Variants in MAP3K9 observed in about 807,000 individuals in gnomAD.
MAP3K9 encodes the protein mitogen-activated protein kinase kinase kinase 9.
MAP3K9 carries 46 observed loss-of-function variants against 95.8 expected under a neutral mutation model. The ratio of observed to expected loss-of-function variants is 0.48; its 90% confidence interval spans 0.38 to 0.61. MAP3K9 has a LOEUF of 0.61. MAP3K9 is among the 20% of genes least tolerant of loss of function. The pLI, the probability that MAP3K9 is intolerant of heterozygous loss-of-function variation, is 0.00. For synonymous variants in MAP3K9, 533 were observed against 593.8 expected, an observed-to-expected ratio of 0.90 and a Z score of 1.49; for missense variants, 1,296 against 1,474.3, an observed-to-expected ratio of 0.88 and a Z score of 1.98.
chr14:70,755,854 G>A (rs1422494475), intron 3 of MAP3K9, among the ~76,000 whole-genome samples: 1 of 152,194 alleles, frequency 6.6e-6, no homozygotes, highest in Non-Finnish European at 1.5e-5. Context: ...TTAAGTCCTG[G>A]GAACAAGTCT....
At position 70,800,885 on chromosome 14, in the gene MAP3K9, G is replaced by C. The variant is rs1817600785; in HGVS notation, c.602C>G (p.Pro201Arg). The part of the protein sequence containing the change: ...EAKLFAMLKH[P>R]NIIALRGVCL... The stretch of plus-strand genomic sequence containing the variant: ...TACCCCTCTTAGGGCAATGATGTTG[G>C]GGTGCTTCAGCATGGCGAAGAGCTT... Residue 201 changes from proline (P) to arginine (R), a missense_variant, in exon 2 of 12, where the codon CCC becomes CGC. By Grantham distance (103) the Pro-to-Arg change is moderately radical. This residue lies in a region of MAP3K9 where 338 missense variants were observed against 363.4 expected (regional missense o/e 0.93). Transcript: ENST00000554752. The C allele has an allele frequency of 1.2e-6, 2 of 1,614,042 alleles. No homozygotes were observed. Among genetic ancestry groups the C allele is most frequent in the Non-Finnish European group, 1.7e-6 (2 of 1,180,032 alleles).
At chr14:70,775,581 G>A (rs1157490481) in intron 2 of MAP3K9, among the ~76,000 whole-genome samples, 7 of 152,110 alleles carry the variant, frequency 4.6e-5, no homozygotes, top group African/African-American at 1.7e-4. Context: ...ATCCGGAATG[G>A]ACCAATGCCC....
In MAP3K9 at chr14:70,758,073, C is replaced by T. The variant is rs183678232; in HGVS notation, c.1001+2929G>A. 8.4e-3 allele frequency among the ~76,000 whole-genome samples: 1,280 copies of T among 152,176 alleles called. 24 individuals are homozygous for T. Among genetic ancestry groups the T allele is most frequent in the African/African-American group, 0.029 (1,209 of 41,506 alleles). On this transcript the variant is annotated intron_variant, in intron 3 of 11. Transcript: ENST00000554752. The stretch of plus-strand genomic sequence containing the variant: ...CTAGACATCATCAAAATTAAAAACA[C>T]TGTTTCAAAGAACAGCCTTAAGAAA...
intron 2 of MAP3K9, among the ~76,000 whole-genome samples, chr14:70,774,302 G>A (rs2054566994): frequency 6.6e-6 from 1 of 152,202 alleles, no homozygotes. Context: ...GGAGACCTTT[G>A]TTATTTATTA....
At chr14:70,777,757 C>T (rs116038235) in intron 2 of MAP3K9, among the ~76,000 whole-genome samples, 1,801 of 152,260 alleles carry the variant, frequency 0.012, 47 homozygotes, top group African/African-American at 0.041. Flanking sequence ...AATGCAGTGT[C>T]CACCTAGTTC....
rs764569241 is a variant in MAP3K9 at position 70,800,966 on chromosome 14, C to A, written c.521G>T (p.Arg174Leu). 3 of 1,614,032 alleles carry A rather than the reference C, an allele frequency of 1.9e-6. No individual in the cohort carries two copies. The highest frequency in any genetic ancestry group is 1.7e-6 in the Non-Finnish European group (2 of 1,180,034). The change falls in exon 2 of 12, where the codon CGC (arginine) becomes CTC (leucine). Residue 174 changes from arginine (R) to leucine (L), a missense_variant. By Grantham distance (102) the Arg-to-Leu change is moderately radical. Around this residue, in one of 5 missense-constraint regions of MAP3K9, gnomAD observed 338 missense variants for 363.4 expected, o/e 0.93. Coordinates refer to ENST00000554752, the MANE Select transcript of MAP3K9 (RefSeq NM_001284230.2). ...GCTGATGTCCTCATCAGGGTCGTGG[C>A]GAGCTGCTTTCACAGCAACCTCATC... ...IGDEVAVKAARHDPDEDISQT... is the reference protein window; with the variant it reads ...IGDEVAVKAALHDPDEDISQT...
intron 2 of MAP3K9, among the ~76,000 whole-genome samples, chr14:70,787,400 C>T (rs1594806187): frequency 6.6e-6 from 1 of 151,208 alleles, no homozygotes; most frequent in Admixed American, 6.6e-5. Flanking sequence ...CCTAGCTACT[C>T]GGGAGGCTGA....
rs1354247014 is a variant in MAP3K9, at chr14:70,764,079, G to A, written c.821-2897C>T. ...CGGGCGCTTGTAGACCCAGCTACTCGGGAGGCTGAGGCAGGAGAATGGCGT... is the reference window on the plus strand; with the variant it reads ...CGGGCGCTTGTAGACCCAGCTACTCAGGAGGCTGAGGCAGGAGAATGGCGT... On this transcript the variant is annotated intron_variant, in intron 2 of 11. Transcript: ENST00000554752. Among the ~76,000 whole-genome samples the A allele has an allele frequency of 4.2e-5, 6 of 143,992 alleles. No individual in the cohort carries two copies. In the South Asian group the frequency reaches 6.9e-4, roughly 17 times the overall value. 94.5% of individuals were successfully genotyped at this position (143,992 alleles called of 152,430 possible).
In MAP3K9 at chr14:70,723,819, TTCGTCTTTATAACTAGGCCAGGATA is replaced by T. The variant is rs2053784223; in HGVS notation, c.*6536_*6560del. Reference sequence around the variant, plus strand: ...ATTAATGATTTCTTATCATGTATTATTCGTCTTTATAACTAGGCCAGGATACATCTTTGCCTCACTCTGATGGTGA... The same window carrying T: ...ATTAATGATTTCTTATCATGTATTATCATCTTTGCCTCACTCTGATGGTGA... On this transcript the variant is annotated 3_prime_UTR_variant, in exon 12 of 12. Transcript: ENST00000554752. 1 of 152,250 alleles carries T rather than the reference TTCGTCTTTATAACTAGGCCAGGATA, an allele frequency of 6.6e-6. No individual in the cohort carries two copies. Among genetic ancestry groups the T allele is most frequent in the Non-Finnish European group, 1.5e-5 (1 of 68,052 alleles). 9.4% of individuals were successfully genotyped at this position (152,250 alleles called of 1,614,324 possible). A position where few individuals can be genotyped will look rare whatever the true frequency, so the allele number is the denominator to read the frequency against.
At chr14:70,733,402 G>T (rs1444309240) in intron 10 of MAP3K9, 60 bp from the exon 11 acceptor site, 1 of 768,472 alleles carries the variant, frequency 1.3e-6, no homozygotes, top group Admixed American at 2.9e-5. Flanking sequence ...GCAGGAATAA[G>T]AATCTGGCCC....
intron 1 of MAP3K9, among the ~76,000 whole-genome samples, chr14:70,807,931 G>T (rs1247685549): frequency 6.6e-6 from 1 of 152,172 alleles, no homozygotes; most frequent in Non-Finnish European, 1.5e-5. Context: ...CCCTGAGCAT[G>T]GTCCCCCTGA....
intron 2 of MAP3K9, among the ~76,000 whole-genome samples, chr14:70,798,379 G>C (rs2139855288): frequency 8.1e-6 from 1 of 123,248 alleles, no homozygotes; most frequent in Non-Finnish European, 1.7e-5. Flanking sequence ...ATTAGAAAAA[G>C]TAAAATAAAG....
At chr14:70,737,077 A>G (rs1006192049) in intron 8 of MAP3K9, among the ~76,000 whole-genome samples, 1 of 152,190 alleles carries the variant, frequency 6.6e-6, no homozygotes, top group Non-Finnish European at 1.5e-5. Context: ...AAAAATGTGG[A>G]AGGAGACTGC....
rs926247482 is a variant in MAP3K9 at position 70,762,853 on chromosome 14, A to G, written c.821-1671T>C. 5.8e-4 allele frequency among the ~76,000 whole-genome samples: 88 copies of G among 152,242 alleles called. 1 individual carries two copies. The highest frequency in any genetic ancestry group is 7.3e-5 in the Non-Finnish European group (5 of 68,040). ...AGATTTAATTCTATGTTTTCTTCCA[A>G]AAGTTTTATGGTTTCAGCTCTTACA... On this transcript the variant is annotated intron_variant, in intron 2 of 11. Coordinates refer to ENST00000554752, the MANE Select transcript of MAP3K9 (RefSeq NM_001284230.2).
intron 3 of MAP3K9, among the ~76,000 whole-genome samples, chr14:70,751,243 AT>A (rs1292431927): frequency 6.6e-6 from 1 of 152,222 alleles, no homozygotes; most frequent in African/African-American, 2.4e-5. Context: ...TATTCTGTGA[AT>A]TCACGATCAG....
chr14:70,748,788 C>T (rs370249254), intron 5 of MAP3K9, 41 bp downstream of exon 5: 4 of 1,551,328 alleles, frequency 2.6e-6, no homozygotes, highest in African/African-American at 1.4e-5. Context: ...TGCCTTTTTT[C>T]TTTTCGTTCG....
chr14:70,758,201 T>C (rs2054322509), intron 3 of MAP3K9, among the ~76,000 whole-genome samples: 1 of 152,154 alleles, frequency 6.6e-6, no homozygotes, highest in Admixed American at 6.5e-5. Context: ...AGACAAATAC[T>C]CTAATTTTTA....
At position 70,742,342 on chromosome 14, in the gene MAP3K9, G is replaced by T. The variant is rs750464943; in HGVS notation, c.1567+9C>A. 6.2e-7 allele frequency: 1 copy of T among 1,612,204 alleles called. No individual in the cohort carries two copies. Among genetic ancestry groups the T allele is most frequent in the African/African-American group, 1.3e-5 (1 of 75,016 alleles). On this transcript the variant is annotated intron_variant, in intron 6 of 11. Transcript: ENST00000554752. ...GCTCCCACTTCCCAGCCAGTCCCCG[G>T]CCACTGACCAGAAGGGAGGCTGATG...
Position 70,728,138 on chromosome 14 carries a change from T to TTTTTTTA in MAP3K9, c.*2241_*2242insTAAAAAA, listed in dbSNP as rs2053844739. The stretch of plus-strand genomic sequence containing the variant: ...CTTTTTTTTTTTTTTTTTTTTTTTT[T>TTTTTTTA]GAGACAGAGTTTCTCTCTTGTTGCC... On this transcript the variant is annotated 3_prime_UTR_variant, in exon 12 of 12. Coordinates refer to ENST00000554752, the MANE Select transcript of MAP3K9 (RefSeq NM_001284230.2). 1.2e-4 allele frequency: 18 copies of TTTTTTTA among 148,078 alleles called. No individual in the cohort carries two copies. Among genetic ancestry groups the TTTTTTTA allele is most frequent in the South Asian group, 4.4e-4 (2 of 4,596 alleles). 9.2% of individuals were successfully genotyped at this position (148,078 alleles called of 1,614,324 possible). A position where few individuals can be genotyped will look rare whatever the true frequency, so the allele number is the denominator to read the frequency against.
Sources: gnomAD v4.1 joint callset for allele counts (sites outside exome capture counted in the v4.1 genomes callset) on GRCh38, gnomAD v4.1.1 for gene constraint, gnomAD v4.1.1 regional missense constraint, MANE v1.5 for transcripts, NCBI Gene and HGNC (gene_info 2026-07-23, HGNC 2026-07-21) for gene names.